The following HEATR1 variants were observed in gnomAD, a reference collection of about 807,000 sequenced individuals.
HEATR1 encodes HEAT repeat containing 1, also known as HEAT repeat-containing protein 1.
Under a neutral mutation model 248.2 loss-of-function variants are expected in HEATR1, and 77 were observed. The ratio of observed to expected loss-of-function variants is 0.31; its 90% CI spans 0.26 to 0.37. HEATR1 has a LOEUF of 0.37. Ranked by LOEUF, HEATR1 falls within the 10% of genes least tolerant of loss-of-function variation. HEATR1 has a pLI of 1.00. For synonymous variants in HEATR1, 897 were observed against 923.1 expected, an observed-to-expected ratio of 0.97 and a Z score of 0.51; for missense variants, 2,420 against 2,504.9, an observed-to-expected ratio of 0.97 and a Z score of 0.72.
chr1:236,555,607 G>A lies in HEATR1; in HGVS notation c.5698C>T (p.Leu1900=). 1.9e-6 allele frequency: 3 copies of A among 1,614,210 alleles called. No individual in the cohort carries two copies. Among genetic ancestry groups the A allele is most frequent in the Non-Finnish European group, 1.7e-6 (2 of 1,180,044 alleles). ...GAAAGTTTGACAACCATGGCTACTA[G>A]ACAGTCAATGATACAATTTTCCGTT... ...GKTENCIIDC[L]VAMVVKLSEV... is the part of the protein sequence containing the mutation. The change falls in exon 40 of 45, where the codon CTA becomes TTA. Residue 1900 remains leucine, a synonymous_variant. Transcript: ENST00000366582.
At chr1:236,567,211 C>T (rs868071090) in intron 29 of HEATR1, among the ~76,000 whole-genome samples, 2 of 152,076 alleles carry the variant, frequency 1.3e-5, no homozygotes, top group African/African-American at 4.8e-5. Context: ...AAACTCCTGG[C>T]CTCAAATAAT....
chr1:236,601,003 C>T (rs925842469), intron 3 of HEATR1, among the ~76,000 whole-genome samples: 1 of 152,040 alleles, frequency 6.6e-6, no homozygotes, highest in Non-Finnish European at 1.5e-5. Flanking sequence ...TTAGTATTTG[C>T]TGAATAAATA....
In HEATR1 at chr1:236,557,231, G is replaced by C. The variant is rs747631529; in HGVS notation, c.5319C>G (p.His1773Gln). The C allele has an allele frequency of 1.9e-6, 3 of 1,614,158 alleles. No homozygotes were observed. The highest frequency in any genetic ancestry group is 2.5e-6 in the Non-Finnish European group (3 of 1,180,010). The change falls in exon 37 of 45, where the codon CAC (histidine) becomes CAG (glutamine). Residue 1773 changes from histidine to glutamine, a missense_variant. By Grantham distance (24) the His-to-Gln change is conservative. Transcript: ENST00000366582. Reference protein sequence around the residue: ...ALQKVVETLPHFISPYLEGIL... With the variant: ...ALQKVVETLPQFISPYLEGIL... ...TGCCTTCCAGATAGGGGCTGATGAA[G>C]TGCGGGAGAGTCTCCACAACCTTCT...
At position 236,590,723 on chromosome 1, in the gene HEATR1, C is replaced by T. The variant is rs80279932; in HGVS notation, c.1530+124G>A. On this transcript the variant is annotated intron_variant, in intron 12 of 44. Coordinates refer to ENST00000366582, the MANE Select transcript of HEATR1 (RefSeq NM_018072.6). Reference sequence around the variant, plus strand: ...CCTAAATATTAGTCTAAGGTACTCTCATGAGGTTTATTCAACTCATCTGTA... The same window carrying T: ...CCTAAATATTAGTCTAAGGTACTCTTATGAGGTTTATTCAACTCATCTGTA... 1,506 of 423,394 alleles carry T rather than the reference C, an allele frequency of 3.6e-3. 20 individuals are homozygous for T. Among genetic ancestry groups the T allele is most frequent in the African/African-American group, 0.027 (1,328 of 49,432 alleles). 26.2% of individuals were successfully genotyped at this position (423,394 alleles called of 1,614,324 possible).
chr1:236,591,426 A>T (rs1034826894), intron 11 of HEATR1, among the ~76,000 whole-genome samples: 1 of 152,208 alleles, frequency 6.6e-6, no homozygotes, highest in African/African-American at 2.4e-5. Context: ...ACCATTAAAA[A>T]TGAAAGTCTA....
rs1189092144 is a variant in HEATR1 at position 236,583,104 on chromosome 1, AGT to A, written c.2332_2333del (p.Thr778SerfsTer26). 6.2e-7 allele frequency: 1 copy of A among 1,614,170 alleles called. No individual in the cohort carries two copies. The highest frequency in any genetic ancestry group is 2.2e-5 in the East Asian group (1 of 44,878). ...CCGAGTCCTCCACGGCCACCCTCTG[AGT>A]GCTGTTGAGCTCTTCTACATAATGT... Reference protein sequence around the residue: ...WAHYVEELNSTQRVAVEDSVF... With the variant: ...WAHYVEELNSXQRVAVEDSVF... On this transcript the variant is annotated frameshift_variant, in exon 18 of 45. Coordinates refer to ENST00000366582, the MANE Select transcript of HEATR1 (RefSeq NM_018072.6). LOFTEE classifies it high-confidence loss of function.
At chr1:236,595,231 G>A (rs542964705) in intron 8 of HEATR1, among the ~76,000 whole-genome samples, 2 of 151,934 alleles carry the variant, frequency 1.3e-5, no homozygotes, top group South Asian at 4.2e-4. Context: ...TAAATGAGAA[G>A]GCAAAGGTTT....
At chr1:236,566,541 A>C in intron 30 of HEATR1, 105 bp downstream of exon 30, 1 of 846,260 alleles carries the variant, frequency 1.2e-6, no homozygotes, top group East Asian at 2.7e-5. Flanking sequence ...AAGGTTCTAA[A>C]TAACACACAT....
intron 33 of HEATR1, among the ~76,000 whole-genome samples, chr1:236,560,805 G>C (rs948352844): frequency 6.6e-6 from 1 of 152,218 alleles, no homozygotes; most frequent in Non-Finnish European, 1.5e-5. Flanking sequence ...ATCAGGGCCA[G>C]ATTAAGACAC....
In HEATR1 at chr1:236,595,565, G is replaced by A. The variant is rs372205302; in HGVS notation, c.1065C>T (p.Val355=). The stretch of plus-strand genomic sequence containing the variant: ...CTGTAACATGATGAATGATGGAGAC[G>A]ACCAGATGGGGAAGCATGTAATGCA... ...PLLHYMLPHL[V]VSIIHHVTGE... The change falls in exon 8 of 45, where the codon GTC becomes GTT. Residue 355 remains valine, a synonymous_variant. Transcript: ENST00000366582. The A allele has an allele frequency of 2.0e-5, 32 of 1,612,092 alleles. No individual in the cohort carries two copies. In the Middle Eastern group the frequency reaches 2.8e-3, roughly 141 times the overall value.
chr1:236,553,697 C>A lies in HEATR1; in HGVS notation c.6121G>T (p.Val2041Leu), dbSNP rs1269248459. The A allele has an allele frequency of 4.3e-6, 7 of 1,613,444 alleles. No individual in the cohort carries two copies. The highest frequency in any genetic ancestry group is 5.1e-6 in the Non-Finnish European group (6 of 1,179,730). ...ATGCATGGTATCAGGTGCTTTGTCA[C>A]CCGTTCCTGGAATTTCTCTTCTCCC... The part of the protein sequence containing the change: ...LGGEEKFQER[V>L]TKHLIPCIAQ... The change falls in exon 43 of 45, where the codon GTG (valine) becomes TTG (leucine). Residue 2041 changes from valine to leucine, a missense_variant. Val to Leu is a conservative substitution (Grantham distance 32). Coordinates refer to ENST00000366582, the MANE Select transcript of HEATR1 (RefSeq NM_018072.6).
chr1:236,574,313 T>A lies in HEATR1; in HGVS notation c.3348A>T (p.Ala1116=). Residue 1116 remains alanine, a synonymous_variant, in exon 24 of 45, where the codon GCA becomes GCT. Coordinates refer to ENST00000366582, the MANE Select transcript of HEATR1 (RefSeq NM_018072.6). ...GCTGAACTTTTTCATCTGATATGGCTGCAAAAAATGGTTTTGTAATCTAGA... is the reference window on the plus strand; with the variant it reads ...GCTGAACTTTTTCATCTGATATGGCAGCAAAAAATGGTTTTGTAATCTAGA... ...ALEKITKPFF[A]AISDEKVQQK... The A allele has an allele frequency of 6.2e-7, 1 of 1,608,474 alleles. No individual in the cohort carries two copies. Among genetic ancestry groups the A allele is most frequent in the Non-Finnish European group, 8.5e-7 (1 of 1,178,346 alleles).
intron 20 of HEATR1, among the ~76,000 whole-genome samples, chr1:236,578,712 T>C (rs965178533): frequency 3.9e-5 from 6 of 152,226 alleles, no homozygotes; most frequent in Non-Finnish European, 7.3e-5. Flanking sequence ...TACATAATAT[T>C]ATTCAAAGCA....
chr1:236,576,869 T>C lies in HEATR1; in HGVS notation c.2836A>G (p.Ser946Gly), dbSNP rs111564783. 2.6e-3 allele frequency: 4,206 copies of C among 1,613,868 alleles called. 102 individuals are homozygous for C. The African/African-American group carries it at 0.047, about 18-fold the overall frequency. Reference sequence around the variant, plus strand: ...AGATAAAACGGGGATGCCACTCCACTGAGGGCCTGGAGACACTGAATGGCA... The same window carrying C: ...AGATAAAACGGGGATGCCACTCCACCGAGGGCCTGGAGACACTGAATGGCA... ...RAAIQCLQALSGVASPFYLII... is the reference protein window; with the variant it reads ...RAAIQCLQALGGVASPFYLII... Residue 946 changes from serine (S) to glycine (G), a missense_variant, in exon 21 of 45, where the codon AGT (serine) becomes GGT (glycine). Coordinates refer to ENST00000366582, the MANE Select transcript of HEATR1 (RefSeq NM_018072.6).
rs1663051631 is a variant in HEATR1 at position 236,558,976 on chromosome 1, G to T, written c.4911+19C>A. Reference sequence around the variant, plus strand: ...AAAGCAAAGTACAGTAAATGGGTGTGTCCTGGGTCTTCACTCACTATTGTC... The same window carrying T: ...AAAGCAAAGTACAGTAAATGGGTGTTTCCTGGGTCTTCACTCACTATTGTC... On this transcript the variant is annotated intron_variant, in intron 35 of 44. Coordinates refer to ENST00000366582, the MANE Select transcript of HEATR1 (RefSeq NM_018072.6). The T allele has an allele frequency of 2.5e-6, 4 of 1,588,068 alleles. No individual in the cohort carries two copies. The East Asian group carries it at 6.7e-5, about 27-fold the overall frequency.
In HEATR1 at chr1:236,603,236, A is replaced by C. The variant is rs1408255734; in HGVS notation, c.283T>G (p.Ser95Ala). The C allele has an allele frequency of 6.2e-7, 1 of 1,614,180 alleles. No homozygotes were observed. The highest frequency in any genetic ancestry group is 1.7e-5 in the Admixed American group (1 of 60,024). The part of the protein sequence containing the change: ...AVNKQLDENI[S>A]LFLIHLSPYF... ...GGCGACAAGTGAATAAGGAATAATG[A>C]AATGTTTTCATCCAACTGTTTGTTT... Residue 95 changes from serine (S) to alanine (A), a missense_variant, in exon 3 of 45, where the codon TCA becomes GCA. By Grantham distance (99) the Ser-to-Ala change is moderately conservative. Coordinates refer to ENST00000366582, the MANE Select transcript of HEATR1 (RefSeq NM_018072.6).
chr1:236,570,157 C>T (rs565198398), intron 28 of HEATR1, among the ~76,000 whole-genome samples: 13 of 152,194 alleles, frequency 8.5e-5, no homozygotes, highest in Non-Finnish European at 1.8e-4. Flanking sequence ...GGCGTGGTGG[C>T]GGGTGCCTGT....
At chr1:236,566,333 A>G (rs554117780) in intron 30 of HEATR1, among the ~76,000 whole-genome samples, 2 of 152,318 alleles carry the variant, frequency 1.3e-5, no homozygotes, top group East Asian at 3.9e-4. Flanking sequence ...CGCTTTGAAG[A>G]GACACTGTTT....
chr1:236,601,043 A>T (rs1371497894), intron 3 of HEATR1, among the ~76,000 whole-genome samples: 1 of 152,214 alleles, frequency 6.6e-6, no homozygotes, highest in African/African-American at 2.4e-5. Context: ...ATGAAAAATC[A>T]AATGCAAAAA....
Sources: gnomAD v4.1 joint callset for allele counts (sites outside exome capture counted in the v4.1 genomes callset) on GRCh38, gnomAD v4.1.1 for gene constraint, MANE v1.5 for transcripts, NCBI Gene and HGNC (gene_info 2026-07-23, HGNC 2026-07-21) for gene names.